Variants in LOC128706665 observed in about 807,000 individuals in gnomAD.
At chr20:10,419,922 C>G in the LOC128706665 span, among the ~76,000 whole-genome samples, 1 of 152,292 alleles carries the variant, frequency 6.6e-6, no homozygotes, top group African/African-American at 2.4e-5. Flanking sequence ...GAAAGCCAAA[C>G]TGCGGATAAA....
the LOC128706665 span, among the ~76,000 whole-genome samples, chr20:10,422,322 T>C: frequency 1.3e-5 from 2 of 152,352 alleles, no homozygotes; most frequent in South Asian, 2.1e-4. Context: ...GTATACTATA[T>C]ACTTTTTGTA....
At chr20:10,431,768 C>A in the LOC128706665 span, 1 of 152,186 alleles carries the variant, frequency 6.6e-6, no homozygotes, top group African/African-American at 2.4e-5. Flanking sequence ...AGCCACTTGT[C>A]TTCTCTGCTA....
chr20:10,416,255 AAAATAC>A, the LOC128706665 span, among the ~76,000 whole-genome samples: 1 of 152,332 alleles, frequency 6.6e-6, no homozygotes, highest in South Asian at 2.1e-4. Context: ...TGATTTAAAG[AAAATAC>A]AAACAGGTGA....
At chr20:10,415,197 C>T in the LOC128706665 span, among the ~76,000 whole-genome samples, 29 of 152,042 alleles carry the variant, frequency 1.9e-4, no homozygotes, top group African/African-American at 5.3e-4. Flanking sequence ...CTGTTGAGGC[C>T]GGGTGTTTTA....
At chr20:10,430,276 G>C in the LOC128706665 span, among the ~76,000 whole-genome samples, 1 of 152,156 alleles carries the variant, frequency 6.6e-6, no homozygotes, top group Non-Finnish European at 1.5e-5. Context: ...ACCTGGCTTT[G>C]AATCTTCACT....
At chr20:10,428,077 T>C in the LOC128706665 span, among the ~76,000 whole-genome samples, 2 of 152,246 alleles carry the variant, frequency 1.3e-5, no homozygotes, top group African/African-American at 4.8e-5. Flanking sequence ...ATAAGTCTTA[T>C]ATGGGGGTTT....
the LOC128706665 span, among the ~76,000 whole-genome samples, chr20:10,426,725 A>T: frequency 6.6e-6 from 1 of 152,186 alleles, no homozygotes; most frequent in Non-Finnish European, 1.5e-5. Context: ...TTTTCATGTC[A>T]GGTATATAAA....
At chr20:10,432,789 CAAAAAAAAAAAAAA>C in the LOC128706665 span, among the ~76,000 whole-genome samples, 2 of 74,560 alleles carry the variant, frequency 2.7e-5, no homozygotes, top group Admixed American at 1.9e-4. Context: ...GACTCTTTGT[CAAAAAAAAAAAAAA>C]AAAAAAAAAA....
the LOC128706665 span, among the ~76,000 whole-genome samples, chr20:10,427,029 G>GACACACACACACACACAC: frequency 7.8e-3 from 1,015 of 130,744 alleles, 17 homozygotes; most frequent in Non-Finnish European, 0.011. Flanking sequence ...AGAAAACACT[G>GACACACACACACACACAC]ACACACACAC....
chr20:10,426,591 G>A, the LOC128706665 span, among the ~76,000 whole-genome samples: 1 of 152,174 alleles, frequency 6.6e-6, no homozygotes, highest in Non-Finnish European at 1.5e-5. Context: ...TAGAGACGGG[G>A]TTTCACCATG....
the LOC128706665 span, among the ~76,000 whole-genome samples, chr20:10,424,798 T>A: frequency 2.6e-5 from 4 of 152,282 alleles, 1 homozygote; most frequent in African/African-American, 9.6e-5. Context: ...ATGCCTGTAA[T>A]CCCAGCACTT....
chr20:10,414,271 T>C, the LOC128706665 span, among the ~76,000 whole-genome samples: 1 of 151,154 alleles, frequency 6.6e-6, no homozygotes, highest in Non-Finnish European at 1.5e-5. Context: ...GAGTCTTTTT[T>C]TTTTTTTTTT....
At chr20:10,416,626 A>G in the LOC128706665 span, among the ~76,000 whole-genome samples, 2 of 152,250 alleles carry the variant, frequency 1.3e-5, no homozygotes, top group Non-Finnish European at 2.9e-5. Flanking sequence ...GGGATAAAAC[A>G]TTAATCTTGC....
At chr20:10,421,616 A>G in the LOC128706665 span, among the ~76,000 whole-genome samples, 3 of 152,086 alleles carry the variant, frequency 2.0e-5, no homozygotes, top group Non-Finnish European at 4.4e-5. Flanking sequence ...AATCAGAATG[A>G]ATGTAATGCC....
the LOC128706665 span, among the ~76,000 whole-genome samples, chr20:10,432,817 C>A: frequency 4.2e-5 from 4 of 94,900 alleles, no homozygotes; most frequent in Admixed American, 2.1e-4. Flanking sequence ...AAAAAAAAAT[C>A]GTGTAGTTTT....
At chr20:10,431,041 C>T in the LOC128706665 span, among the ~76,000 whole-genome samples, 1 of 152,030 alleles carries the variant, frequency 6.6e-6, no homozygotes, top group African/African-American at 2.4e-5. Context: ...AAATAGGGGG[C>T]CACATTATGA....
the LOC128706665 span, among the ~76,000 whole-genome samples, chr20:10,419,562 T>C: frequency 6.6e-6 from 1 of 152,190 alleles, no homozygotes; most frequent in Non-Finnish European, 1.5e-5. Flanking sequence ...AAACCCTATA[T>C]ATACTATGTT....
At chr20:10,427,141 T>C in the LOC128706665 span, among the ~76,000 whole-genome samples, 1 of 151,752 alleles carries the variant, frequency 6.6e-6, no homozygotes, top group African/African-American at 2.4e-5. Context: ...CAGCTGGATC[T>C]AGCCATCAGA....
At chr20:10,426,977 A>G in the LOC128706665 span, among the ~76,000 whole-genome samples, 2 of 151,214 alleles carry the variant, frequency 1.3e-5, no homozygotes, top group East Asian at 3.9e-4. Context: ...CTACCTCATT[A>G]TAAATACTGT....
Sources: allele counts gnomAD v4.1 joint callset (sites outside exome capture counted in the v4.1 genomes callset), GRCh38; gene constraint gnomAD v4.1.1; transcripts MANE v1.5.